UBR3: variants seen among roughly 807,000 people sequenced by gnomAD.
UBR3 encodes the protein ubiquitin protein ligase E3 component n-recognin 3.
Under a neutral mutation model 243.2 loss-of-function variants are expected in UBR3, and 85 were observed. That is an observed-to-expected ratio of 0.35 (90% CI 0.29 to 0.42). The LOEUF (loss-of-function observed/expected upper bound fraction) is 0.42, where lower values mean the gene tolerates loss of function less well. Among genes scored for constraint, UBR3 ranks in the 10% least tolerant of loss-of-function variants. The pLI is 1.00. For missense variants in UBR3, 1,686 were observed against 2,300.8 expected (o/e 0.73, Z 5.47); for synonymous variants, 748 against 799.8 (o/e 0.94, Z 1.09).
chr2:170,000,073 C>T (rs1282722152), intron 26 of UBR3, among the ~76,000 whole-genome samples: 2 of 151,834 alleles, frequency 1.3e-5, no homozygotes, highest in Non-Finnish European at 2.9e-5. Context: ...TTGTGGTGAG[C>T]CGAGATTGCG....
chr2:169,988,912 C>G (rs534840745), intron 25 of UBR3, among the ~76,000 whole-genome samples: 4 of 152,242 alleles, frequency 2.6e-5, no homozygotes, highest in African/African-American at 9.6e-5. Flanking sequence ...TAAGCCTTAT[C>G]CACCCATTGA....
Position 170,079,911 on chromosome 2 carries a change from G to A in UBR3, c.5297G>A (p.Cys1766Tyr). The A allele has an allele frequency of 6.2e-7, 1 of 1,614,058 alleles. No homozygotes were observed. Among genetic ancestry groups the A allele is most frequent in the Non-Finnish European group, 8.5e-7 (1 of 1,179,972 alleles). Residue 1766 changes from cysteine (C) to tyrosine (Y), a missense_variant, in exon 37 of 39, where the codon TGT (cysteine) becomes TAT (tyrosine). By Grantham distance (194) the Cys-to-Tyr change is radical. Around this residue, in one of 8 missense-constraint regions of UBR3, gnomAD observed 89 missense variants for 183.3 expected, o/e 0.49. Transcript: ENST00000272793. ...TIFQYYHRKT[C>Y]SVCTKVPKDP... is the part of the protein sequence containing the mutation. ...TTTCAGTACTACCACAGAAAAACCT[G>A]TAGTGTCTGCACCAAGGTTCCTAAA...
At chr2:169,987,785 G>A (rs1574346383) in intron 25 of UBR3, among the ~76,000 whole-genome samples, 2 of 152,206 alleles carry the variant, frequency 1.3e-5, no homozygotes, top group South Asian at 4.1e-4. Flanking sequence ...TTTCTAGGGT[G>A]TTAACTCTCT....
At chr2:169,912,311 A>G (rs993250410) in intron 10 of UBR3, among the ~76,000 whole-genome samples, 2 of 152,218 alleles carry the variant, frequency 1.3e-5, no homozygotes, top group African/African-American at 2.4e-5. Flanking sequence ...TACTACCACT[A>G]TCTAATTCCA....
chr2:169,970,659 A>C (rs1189636295), intron 24 of UBR3, among the ~76,000 whole-genome samples: 2 of 121,644 alleles, frequency 1.6e-5, no homozygotes, highest in Non-Finnish European at 3.6e-5. Context: ...CGAACTCATC[A>C]TTTTTTATGG....
At chr2:170,044,128 C>T (rs1404882790) in intron 32 of UBR3, among the ~76,000 whole-genome samples, 1 of 151,980 alleles carries the variant, frequency 6.6e-6, no homozygotes, top group Non-Finnish European at 1.5e-5. Flanking sequence ...TTTTCTTCTC[C>T]ACTCCCTTTT....
At chr2:169,869,830 C>G (rs1166740426) in intron 1 of UBR3, among the ~76,000 whole-genome samples, 2 of 152,132 alleles carry the variant, frequency 1.3e-5, no homozygotes, top group African/African-American at 4.8e-5. Flanking sequence ...GTGAATTGTT[C>G]ATGACCTTGC....
At chr2:169,863,173 C>T (rs942097101) in intron 1 of UBR3, among the ~76,000 whole-genome samples, 7 of 152,140 alleles carry the variant, frequency 4.6e-5, no homozygotes, top group Non-Finnish European at 7.3e-5. Context: ...CTTTTGTTTC[C>T]TCTCTCCTCT....
chr2:170,081,924 G>T lies in UBR3; in HGVS notation c.*81G>T, dbSNP rs2091914677. ...ACAATAAGCTTTAACTTAATTTGGG[G>T]GATTAACACTTTTGCTGAGGGAGAA... is the stretch of plus-strand genomic sequence containing the variant. On this transcript the variant is annotated 3_prime_UTR_variant, in exon 39 of 39. Transcript: ENST00000272793. The T allele has an allele frequency of 2.0e-6, 2 of 1,009,704 alleles. No homozygotes were observed. The highest frequency in any genetic ancestry group is 2.8e-5 in the East Asian group (1 of 35,444). The allele number at this position is 1,009,704 out of a possible 1,614,324, so 62.5% of individuals were successfully genotyped here.
At chr2:169,956,096 C>T (rs953434750) in intron 23 of UBR3, among the ~76,000 whole-genome samples, 2 of 151,850 alleles carry the variant, frequency 1.3e-5, no homozygotes, top group South Asian at 2.1e-4. Context: ...CTGATACTTT[C>T]AATTCCAATC....
At chr2:169,956,009 G>A (rs1486203908) in intron 23 of UBR3, among the ~76,000 whole-genome samples, 1 of 151,900 alleles carries the variant, frequency 6.6e-6, no homozygotes, top group East Asian at 1.9e-4. Context: ...GTGTTGGAAG[G>A]TAGTGTGAGA....
intron 24 of UBR3, among the ~76,000 whole-genome samples, chr2:169,976,974 T>C (rs965301313): frequency 1.3e-5 from 2 of 152,230 alleles, no homozygotes; most frequent in African/African-American, 4.8e-5. Flanking sequence ...GATTCCTTTT[T>C]CTACTTGATC....
At chr2:169,836,693 A>G (rs73022449) in intron 1 of UBR3, among the ~76,000 whole-genome samples, 6,598 of 151,772 alleles carry the variant, frequency 0.043, 166 homozygotes, top group Middle Eastern at 0.068. Flanking sequence ...ATAATATTTT[A>G]CCAATCTGTT....
In UBR3 at chr2:170,031,519, T is replaced by G. The variant is rs1288712104; in HGVS notation, c.4556+2071T>G. On this transcript the variant is annotated intron_variant, in intron 31 of 38. Coordinates refer to ENST00000272793, the MANE Select transcript of UBR3 (RefSeq NM_172070.4). The stretch of plus-strand genomic sequence containing the variant: ...TTAATTTTTATGTTTAGATTTCTAT[T>G]TTTTAAAATAATTTCAACTTTTATT... 2.0e-5 allele frequency among the ~76,000 whole-genome samples: 3 copies of G among 152,154 alleles called. No homozygotes were observed. In the East Asian group the frequency reaches 5.8e-4, roughly 29 times the overall value.
intron 28 of UBR3, 61 bp from the exon 29 acceptor site, chr2:170,008,743 T>C: frequency 1.2e-6 from 1 of 851,936 alleles, no homozygotes; most frequent in East Asian, 2.8e-5. Flanking sequence ...CATTCTAGTT[T>C]CAGACCATTA....
At chr2:170,066,032 G>A (rs1469870349) in intron 35 of UBR3, among the ~76,000 whole-genome samples, 9 of 150,346 alleles carry the variant, frequency 6.0e-5, no homozygotes, top group African/African-American at 1.7e-4. Context: ...TCTATGTGTC[G>A]CTAAAATGTA....
chr2:169,876,507 A>T (rs899329493), intron 3 of UBR3, among the ~76,000 whole-genome samples: 4 of 140,946 alleles, frequency 2.8e-5, no homozygotes, highest in Admixed American at 2.1e-4. Context: ...TTGGTGTGAC[A>T]TGATAATTAT....
At chr2:169,967,828 A>G (rs1207538725) in intron 24 of UBR3, among the ~76,000 whole-genome samples, 4 of 152,008 alleles carry the variant, frequency 2.6e-5, no homozygotes, top group Non-Finnish European at 4.4e-5. Context: ...GTGTGCTACC[A>G]TTTATATAAG....
intron 14 of UBR3, 89 bp downstream of exon 14, chr2:169,925,836 C>A: frequency 8.3e-7 from 1 of 1,209,758 alleles, no homozygotes; most frequent in Non-Finnish European, 1.1e-6. Flanking sequence ...TGCGTGATGA[C>A]ATGGAGAGGC....
Sources: allele counts gnomAD v4.1 joint callset (sites outside exome capture counted in the v4.1 genomes callset), GRCh38; gene constraint gnomAD v4.1.1; regional missense constraint gnomAD v4.1.1; transcripts MANE v1.5; gene names NCBI Gene and HGNC (gene_info 2026-07-23, HGNC 2026-07-21).